The following TMEM132C variants were observed in gnomAD, a reference collection of about 807,000 sequenced individuals.
The protein encoded by TMEM132C is protein phosphatase 1, regulatory subunit 152.
TMEM132C carries 29 observed loss-of-function variants against 61.4 expected under a neutral mutation model. The ratio of observed to expected loss-of-function variants is 0.47; its 90% CI spans 0.35 to 0.64. The LOEUF (loss-of-function observed/expected upper bound fraction) is 0.64. Ranked by LOEUF, TMEM132C falls within the 30% of genes least tolerant of loss-of-function variation. The pLI, the probability that TMEM132C is intolerant of heterozygous loss-of-function variation, is 0.00. For missense variants in TMEM132C, 1,408 were observed against 1,476.9 expected (o/e 0.95, Z 0.76); for synonymous variants, 656 against 633.1 (o/e 1.04, Z -0.54).
At chr12:128,533,272 C>T (rs1873385189) in intron 2 of TMEM132C, among the ~76,000 whole-genome samples, 2 of 152,338 alleles carry the variant, frequency 1.3e-5, no homozygotes, top group East Asian at 1.9e-4. Context: ...TGGGACCTTA[C>T]ATCAGCTGGT....
At chr12:128,518,467 T>C (rs1872792057) in intron 2 of TMEM132C, among the ~76,000 whole-genome samples, 3 of 152,286 alleles carry the variant, frequency 2.0e-5, no homozygotes, top group African/African-American at 7.2e-5. Context: ...GTTGTTGTAG[T>C]TCAGAAGGAA....
intron 4 of TMEM132C, among the ~76,000 whole-genome samples, chr12:128,623,494 A>G (rs1025254762): frequency 8.6e-5 from 13 of 151,622 alleles, no homozygotes; most frequent in African/African-American, 3.1e-4. Flanking sequence ...GCTATGTTCT[A>G]ATTTTAAAGA....
At chr12:128,467,666 G>T (rs1320961555) in intron 2 of TMEM132C, among the ~76,000 whole-genome samples, 1 of 152,150 alleles carries the variant, frequency 6.6e-6, no homozygotes, top group Non-Finnish European at 1.5e-5. Context: ...GCAGGGAAAG[G>T]TTTCTGCAAG....
At chr12:128,299,434 G>A (rs965144726) in intron 1 of TMEM132C, among the ~76,000 whole-genome samples, 1 of 152,110 alleles carries the variant, frequency 6.6e-6, no homozygotes, top group African/African-American at 2.4e-5. Context: ...CAATGTACAC[G>A]GAATTCACCA....
chr12:128,622,353 AAAAAAAAATATATATAT>A (rs1256790711), intron 4 of TMEM132C, among the ~76,000 whole-genome samples: 8 of 65,396 alleles, frequency 1.2e-4, no homozygotes, highest in African/African-American at 6.2e-4. Context: ...CAAAAAAAAA[AAAAAAAAATATATATAT>A]ATATATATAT....
At chr12:128,512,562 C>T (rs1433976744) in intron 2 of TMEM132C, among the ~76,000 whole-genome samples, 2 of 152,142 alleles carry the variant, frequency 1.3e-5, no homozygotes, top group Non-Finnish European at 2.9e-5. Flanking sequence ...GCTTCCAAAA[C>T]ATGTTTGAAG....
intron 2 of TMEM132C, among the ~76,000 whole-genome samples, chr12:128,485,957 G>C (rs1470461388): frequency 6.6e-6 from 1 of 152,186 alleles, no homozygotes; most frequent in African/African-American, 2.4e-5. Context: ...TTCAAAGTTA[G>C]ACTTTGAGGT....
intron 2 of TMEM132C, among the ~76,000 whole-genome samples, chr12:128,474,030 C>T (rs1398844155): frequency 1.3e-5 from 2 of 152,138 alleles, no homozygotes; most frequent in Non-Finnish European, 2.9e-5. Flanking sequence ...CATCTCGGGT[C>T]CCTGTTACAC....
At chr12:128,457,248 T>C (rs1309074901) in intron 2 of TMEM132C, among the ~76,000 whole-genome samples, 2 of 151,272 alleles carry the variant, frequency 1.3e-5, no homozygotes, top group Non-Finnish European at 2.9e-5. Flanking sequence ...ACCACCAACA[T>C]TATTTGAGAG....
intron 1 of TMEM132C, among the ~76,000 whole-genome samples, chr12:128,381,954 C>T (rs1365964334): frequency 1.3e-5 from 2 of 152,092 alleles, no homozygotes; most frequent in East Asian, 3.9e-4. Flanking sequence ...ATACACTCTG[C>T]CCTCTCACCT....
At chr12:128,290,925 C>T (rs1247664711) in intron 1 of TMEM132C, among the ~76,000 whole-genome samples, 2 of 152,042 alleles carry the variant, frequency 1.3e-5, no homozygotes. Flanking sequence ...ATGCTAAACC[C>T]ATTTCAGAAT....
chr12:128,686,191 C>T (rs970841219), intron 5 of TMEM132C, among the ~76,000 whole-genome samples: 27 of 152,064 alleles, frequency 1.8e-4, no homozygotes, highest in Non-Finnish European at 1.8e-4. Flanking sequence ...GCACTGGGTG[C>T]GCAGTTACCC....
At chr12:128,685,680 TGGA>T (rs903345993) in intron 5 of TMEM132C, among the ~76,000 whole-genome samples, 2 of 152,164 alleles carry the variant, frequency 1.3e-5, no homozygotes, top group African/African-American at 4.8e-5. Context: ...CTGTCCATGA[TGGA>T]GGAGAAGGCG....
intron 1 of TMEM132C, among the ~76,000 whole-genome samples, chr12:128,346,266 C>A (rs970812213): frequency 6.6e-6 from 1 of 152,082 alleles, no homozygotes; most frequent in Non-Finnish European, 1.5e-5. Flanking sequence ...GTCTATATGT[C>A]TGTTTTTGTA....
chr12:128,701,970 G>C (rs1264706309), intron 8 of TMEM132C, among the ~76,000 whole-genome samples: 1 of 150,056 alleles, frequency 6.7e-6, no homozygotes, highest in Admixed American at 6.7e-5. Flanking sequence ...TGTGATCTTG[G>C]CTCACTGCAA....
intron 8 of TMEM132C, among the ~76,000 whole-genome samples, chr12:128,702,189 C>T (rs780727220): frequency 1.3e-3 from 201 of 152,168 alleles, no homozygotes; most frequent in Non-Finnish European, 2.4e-3. Flanking sequence ...CATAAGCCAC[C>T]ACATCTGGCC....
rs543358422 is a variant in TMEM132C at position 128,293,176 on chromosome 12, C to T, written c.85+25689C>T. On this transcript the variant is annotated intron_variant, in intron 1 of 8. Transcript: ENST00000435159. ...TTTAAAAACTGGGTCCAAACTCCCT[C>T]TGGTCTCATTTTGCACCTCTCCACA... Among the ~76,000 whole-genome samples, 12 of 152,304 alleles carry T rather than the reference C, an allele frequency of 7.9e-5. No individual in the cohort carries two copies. In the East Asian group the frequency reaches 1.5e-3, roughly 20 times the overall value.
At chr12:128,571,971 G>A (rs1184978703) in intron 3 of TMEM132C, among the ~76,000 whole-genome samples, 1 of 152,250 alleles carries the variant, frequency 6.6e-6, no homozygotes, top group African/African-American at 2.4e-5. Context: ...GGCTGTGATT[G>A]AGTCACCTGC....
intron 1 of TMEM132C, among the ~76,000 whole-genome samples, chr12:128,412,064 T>C (rs1433818066): frequency 6.6e-6 from 1 of 152,254 alleles, no homozygotes; most frequent in African/African-American, 2.4e-5. Context: ...TCTGTTGTCT[T>C]TAGCCTCAGG....
Sources: gnomAD v4.1 joint callset for allele counts (sites outside exome capture counted in the v4.1 genomes callset) on GRCh38, gnomAD v4.1.1 for gene constraint, MANE v1.5 for transcripts, NCBI Gene and HGNC (gene_info 2026-07-23, HGNC 2026-07-21) for gene names.